CHODL: variants seen among roughly 807,000 people sequenced by gnomAD.
The protein encoded by CHODL is transmembrane protein MT75.
In CHODL, 29 loss-of-function variants were observed where a neutral mutation model predicts 34.5. The observed-to-expected ratio is 0.84, with a 90% confidence interval of 0.63 to 1.15. The LOEUF is 1.15. Ranked by LOEUF, CHODL falls within the 50% of genes most tolerant of loss-of-function variation. The pLI is 0.00. For synonymous variants in CHODL, 125 were observed against 116.1 expected, an observed-to-expected ratio of 1.08 and a Z score of -0.49; for missense variants, 332 against 332.5, an observed-to-expected ratio of 1.00 and a Z score of 0.01.
chr21:17,918,207 A>G (rs138426829), intron 1 of CHODL, among the ~76,000 whole-genome samples: 1 of 151,986 alleles, frequency 6.6e-6, no homozygotes, highest in African/African-American at 2.4e-5. Context: ...TTTATTTCAT[A>G]TATTTTATTT....
rs9637043 is a variant in CHODL, at chr21:17,990,356, C to T, written c.-144-37516C>T. Among the ~76,000 whole-genome samples the T allele has an allele frequency of 6.2e-4, 95 of 152,116 alleles. 1 individual carries two copies. In the East Asian group the frequency reaches 0.017, roughly 28 times the overall value. On this transcript the variant is annotated intron_variant, in intron 1 of 6. Coordinates refer to the CHODL transcript ENST00000400127. Reference sequence around the variant, plus strand: ...TGTTTGGGAAAAGGCACAGTGAGAACCACAGTAAGTTTCATTTCTTAAAAG... The same window carrying T: ...TGTTTGGGAAAAGGCACAGTGAGAATCACAGTAAGTTTCATTTCTTAAAAG...
chr21:18,073,909 T>G (rs1199428926), intron 2 of CHODL, among the ~76,000 whole-genome samples: 1 of 152,124 alleles, frequency 6.6e-6, no homozygotes, highest in East Asian at 1.9e-4. Flanking sequence ...TAAACTTTAT[T>G]TTTAAAAAAC....
intron 2 of CHODL, among the ~76,000 whole-genome samples, chr21:18,029,952 T>C (rs2064227841): frequency 1.3e-5 from 2 of 152,212 alleles, no homozygotes; most frequent in South Asian, 4.1e-4. Flanking sequence ...TATCCTCTCT[T>C]GGATCCTGGG....
chr21:17,936,518 T>A (rs1434976616), intron 1 of CHODL, among the ~76,000 whole-genome samples: 5 of 151,942 alleles, frequency 3.3e-5, no homozygotes, highest in African/African-American at 1.2e-4. Flanking sequence ...TGTGGTAGTT[T>A]AGAGAAATTT....
intron 1 of CHODL, among the ~76,000 whole-genome samples, chr21:17,971,984 C>T (rs1308822517): frequency 1.3e-5 from 2 of 152,168 alleles, no homozygotes; most frequent in Non-Finnish European, 2.9e-5. Flanking sequence ...GGCTTCATCC[C>T]TGGGATGCAA....
chr21:18,250,792 T>C (rs2146796098), intron 1 of CHODL, among the ~76,000 whole-genome samples: 2 of 152,044 alleles, frequency 1.3e-5, no homozygotes, highest in South Asian at 2.1e-4. Context: ...GTGATTCTAA[T>C]AAAACATTCT....
At chr21:17,954,461 A>C (rs1236854546) in intron 1 of CHODL, among the ~76,000 whole-genome samples, 2 of 141,912 alleles carry the variant, frequency 1.4e-5, no homozygotes, top group Non-Finnish European at 3.2e-5. Flanking sequence ...CAGTGAACTG[A>C]GTAAAGAAGG....
intron 2 of CHODL, among the ~76,000 whole-genome samples, chr21:18,116,211 C>G (rs537935927): frequency 6.6e-6 from 1 of 152,152 alleles, no homozygotes; most frequent in Non-Finnish European, 1.5e-5. Flanking sequence ...AGTTTTAAAG[C>G]AAAGTTTTCT....
chr21:18,237,910 TTAAA>T (rs1314327875), intron 2 of CHODL, among the ~76,000 whole-genome samples: 12 of 152,090 alleles, frequency 7.9e-5, no homozygotes. Context: ...TGGACAAACA[TTAAA>T]TAAATACGCC....
chr21:18,251,630 A>AAATATATAAAATAAATAT (rs2074251538), intron 1 of CHODL, among the ~76,000 whole-genome samples: 5 of 111,920 alleles, frequency 4.5e-5, no homozygotes, highest in South Asian at 2.3e-4. Flanking sequence ...TATTTATTTT[A>AAATATATAAAATAAATAT]TTTATTTATT....
intron 1 of CHODL, among the ~76,000 whole-genome samples, chr21:18,016,833 C>G (rs187654374): frequency 6.6e-6 from 1 of 152,366 alleles, no homozygotes; most frequent in South Asian, 2.1e-4. Context: ...AAACCCACCA[C>G]TTGCATCAGT....
chr21:18,098,674 CA>C (rs1390549371), intron 2 of CHODL, among the ~76,000 whole-genome samples: 2 of 152,050 alleles, frequency 1.3e-5, no homozygotes, highest in Non-Finnish European at 2.9e-5. Context: ...GGAGGTCCCT[CA>C]AAAAACTAAA....
chr21:18,260,596 T>A (rs1296209994), intron 4 of CHODL, among the ~76,000 whole-genome samples: 1 of 152,078 alleles, frequency 6.6e-6, no homozygotes, highest in African/African-American at 2.4e-5. Context: ...GTGGATCACT[T>A]GAGCCCAGGA....
chr21:18,060,559 C>T (rs2064648887), intron 2 of CHODL, among the ~76,000 whole-genome samples: 1 of 151,842 alleles, frequency 6.6e-6, no homozygotes, highest in Admixed American at 6.6e-5. Flanking sequence ...CCCATCAGGG[C>T]AGTCCACAGA....
intron 2 of CHODL, among the ~76,000 whole-genome samples, chr21:18,198,096 T>TAGCAC (rs1347642570): frequency 6.6e-6 from 1 of 152,216 alleles, no homozygotes; most frequent in Non-Finnish European, 1.5e-5. Flanking sequence ...GGTCAGCAAA[T>TAGCAC]AGCACAGACA....
chr21:18,218,534 G>A (rs762601336), intron 2 of CHODL, among the ~76,000 whole-genome samples: 9 of 152,226 alleles, frequency 5.9e-5, no homozygotes, highest in Middle Eastern at 3.4e-3. Flanking sequence ...TGCCACAAAG[G>A]TCCCTGACAT....
At chr21:18,120,307 A>G (rs922409920) in intron 2 of CHODL, among the ~76,000 whole-genome samples, 6 of 152,194 alleles carry the variant, frequency 3.9e-5, no homozygotes, top group Non-Finnish European at 7.4e-5. Context: ...AACTGAACAT[A>G]CCTGGGACCA....
chr21:18,024,903 A>G (rs560676106), intron 1 of CHODL, among the ~76,000 whole-genome samples: 2 of 152,340 alleles, frequency 1.3e-5, no homozygotes, highest in South Asian at 4.1e-4. Context: ...ATAGAATACA[A>G]GCCAGAACTA....
chr21:18,201,080 C>T (rs1009479627), intron 2 of CHODL, among the ~76,000 whole-genome samples: 2 of 151,912 alleles, frequency 1.3e-5, no homozygotes, highest in Non-Finnish European at 2.9e-5. Flanking sequence ...GTTATGCAGT[C>T]GTACTAAAAA....
Sources: allele counts gnomAD v4.1 joint callset (sites outside exome capture counted in the v4.1 genomes callset), GRCh38; gene constraint gnomAD v4.1.1; transcripts MANE v1.5; gene names NCBI Gene and HGNC (gene_info 2026-07-23, HGNC 2026-07-21).